The following CREB5 variants were observed in gnomAD, a reference collection of about 807,000 sequenced individuals.
CREB5 encodes the protein cyclic AMP-responsive element-binding protein 5.
Under a neutral mutation model 57.1 loss-of-function variants are expected in CREB5, and 19 were observed. The ratio of observed to expected loss-of-function variants is 0.33; its 90% confidence interval spans 0.23 to 0.49. CREB5 has a LOEUF of 0.49. Among genes scored for constraint, CREB5 ranks in the 20% least tolerant of loss-of-function variants. CREB5 has a pLI of 0.99. For missense variants in CREB5, 579 were observed against 671.6 expected, an observed-to-expected ratio of 0.86 and a Z score of 1.52; for synonymous variants, 238 against 238.3, an observed-to-expected ratio of 1.00 and a Z score of 0.01.
chr7:28,799,409 A>G (rs527775646), intron 7 of CREB5, among the ~76,000 whole-genome samples: 4 of 152,374 alleles, frequency 2.6e-5, no homozygotes, highest in Admixed American at 6.5e-5. Flanking sequence ...TTGAAGCCCA[A>G]TAAACATTTG....
chr7:28,320,267 A>G (rs1785471591), intron 1 of CREB5, among the ~76,000 whole-genome samples: 1 of 152,110 alleles, frequency 6.6e-6, no homozygotes, highest in Admixed American at 6.6e-5. Context: ...AATCCCATGT[A>G]GTCGGCACAA....
At chr7:28,759,067 T>C (rs541954262) in intron 7 of CREB5, among the ~76,000 whole-genome samples, 6 of 152,296 alleles carry the variant, frequency 3.9e-5, no homozygotes, top group Non-Finnish European at 2.9e-5. Flanking sequence ...TAGAAACCCC[T>C]GGAGATTATT....
chr7:28,413,701 A>T (rs1787906684), intron 1 of CREB5, among the ~76,000 whole-genome samples: 1 of 152,202 alleles, frequency 6.6e-6, no homozygotes, highest in Non-Finnish European at 1.5e-5. Flanking sequence ...CCAACAAAAA[A>T]TTGGAAACCA....
intron 1 of CREB5, among the ~76,000 whole-genome samples, chr7:28,305,216 C>T (rs772713455): frequency 3.9e-5 from 6 of 152,112 alleles, no homozygotes; most frequent in Non-Finnish European, 7.4e-5. Flanking sequence ...CTTTTTTTTA[C>T]AATACCTTTG....
intron 5 of CREB5, among the ~76,000 whole-genome samples, chr7:28,589,571 G>T (rs1012306031): frequency 6.6e-6 from 1 of 152,064 alleles, no homozygotes. Flanking sequence ...AAAACAAAAA[G>T]AAAAAGAAAA....
chr7:28,490,893 C>A (rs960918628), intron 2 of CREB5, among the ~76,000 whole-genome samples: 2 of 137,084 alleles, frequency 1.5e-5, no homozygotes, highest in East Asian at 2.0e-4. Context: ...TGCTGTAAAC[C>A]CTTCTTCTTT....
chr7:28,349,187 G>C (rs1583698771), intron 1 of CREB5, among the ~76,000 whole-genome samples: 1 of 152,116 alleles, frequency 6.6e-6, no homozygotes, highest in African/African-American at 2.4e-5. Context: ...CTGTAATTTT[G>C]AAGTTTCGAG....
chr7:28,782,435 G>C (rs1807042831), intron 7 of CREB5, among the ~76,000 whole-genome samples: 3 of 152,240 alleles, frequency 2.0e-5, no homozygotes, highest in East Asian at 3.9e-4. Context: ...TCTAAAATGA[G>C]ATAAAATAAG....
At chr7:28,749,297 C>T (rs562807020) in intron 7 of CREB5, 1 of 152,304 alleles carries the variant, frequency 6.6e-6, no homozygotes, top group South Asian at 2.1e-4. Context: ...TATCTTAGCC[C>T]CTTGGCAGGC....
At chr7:28,642,997 C>CACAT (rs1254559245) in intron 5 of CREB5, among the ~76,000 whole-genome samples, 1 of 127,906 alleles carries the variant, frequency 7.8e-6, no homozygotes, top group African/African-American at 2.7e-5. Context: ...TACACACACA[C>CACAT]ACACACACAC....
At chr7:28,476,410 A>G (rs1272275330) in intron 1 of CREB5, among the ~76,000 whole-genome samples, 1 of 152,214 alleles carries the variant, frequency 6.6e-6, no homozygotes, top group Non-Finnish European at 1.5e-5. Context: ...AAAAACAGCA[A>G]CCAACATTTC....
chr7:28,492,893 A>C (rs542865180), intron 2 of CREB5, among the ~76,000 whole-genome samples: 1 of 152,046 alleles, frequency 6.6e-6, no homozygotes, highest in Non-Finnish European at 1.5e-5. Flanking sequence ...TATTTGGTGC[A>C]GTCATTACAC....
intron 1 of CREB5, among the ~76,000 whole-genome samples, chr7:28,331,054 G>A (rs1785707507): frequency 1.3e-5 from 2 of 152,058 alleles, no homozygotes; most frequent in Admixed American, 6.5e-5. Context: ...CATTAGTGAG[G>A]CCCACTTTGT....
At chr7:28,511,691 G>T (rs187381037) in intron 4 of CREB5, among the ~76,000 whole-genome samples, 8 of 152,294 alleles carry the variant, frequency 5.3e-5, no homozygotes, top group Non-Finnish European at 7.4e-5. Context: ...TCACCGTGTT[G>T]CCCAGGCCGG....
chr7:28,396,408 T>C (rs1250906460), intron 1 of CREB5, among the ~76,000 whole-genome samples: 1 of 152,198 alleles, frequency 6.6e-6, no homozygotes, highest in East Asian at 1.9e-4. Context: ...TTGGGGATGT[T>C]TATAATAAAA....
At chr7:28,601,993 T>A (rs1033602858) in intron 5 of CREB5, among the ~76,000 whole-genome samples, 1 of 152,136 alleles carries the variant, frequency 6.6e-6, no homozygotes, top group Non-Finnish European at 1.5e-5. Context: ...AGACATAAAG[T>A]GAATGTATAT....
At position 28,307,347 on chromosome 7, in the gene CREB5, G is replaced by A. The variant is rs140503284; in HGVS notation, c.-25+7906G>A. 6.7e-3 allele frequency among the ~76,000 whole-genome samples: 1,020 copies of A among 152,276 alleles called. 15 individuals are homozygous for A. Among genetic ancestry groups the A allele is most frequent in the Non-Finnish European group, 9.5e-3 (645 of 68,024 alleles). On this transcript the variant is annotated intron_variant, in intron 1 of 9. Transcript: ENST00000396299. ...GTGTCTAATAAAGGGGTTTGAGGGG[G>A]CAAGTTTGCCTTTCCATCCCTCCCA...
At chr7:28,401,503 T>C (rs1421891591) in intron 1 of CREB5, among the ~76,000 whole-genome samples, 1 of 152,156 alleles carries the variant, frequency 6.6e-6, no homozygotes, top group Non-Finnish European at 1.5e-5. Flanking sequence ...CATGTTGGTG[T>C]GCTGCACCCA....
chr7:28,545,795 A>G (rs948178316), intron 4 of CREB5, among the ~76,000 whole-genome samples: 1 of 151,912 alleles, frequency 6.6e-6, no homozygotes, highest in East Asian at 1.9e-4. Flanking sequence ...CTTCTTCTGC[A>G]TGGATCCATG....
Sources: gnomAD v4.1 joint callset for allele counts (sites outside exome capture counted in the v4.1 genomes callset) on GRCh38, gnomAD v4.1.1 for gene constraint, MANE v1.5 for transcripts, NCBI Gene and HGNC (gene_info 2026-07-23, HGNC 2026-07-21) for gene names.